The following ATP8A2 variants were observed in gnomAD, a reference collection of about 807,000 sequenced individuals.
The protein encoded by ATP8A2 is phospholipid-transporting ATPase IB.
ATP8A2 carries 100 observed loss-of-function variants against 165.6 expected under a neutral mutation model. That is an observed-to-expected ratio of 0.60 (90% CI 0.51 to 0.71). The LOEUF is 0.71. Among genes scored for constraint, ATP8A2 ranks in the 30% least tolerant of loss-of-function variants. The pLI, the probability that ATP8A2 is intolerant of heterozygous loss-of-function variation, is 0.00. For synonymous variants in ATP8A2, 543 were observed against 548.8 expected (o/e 0.99, Z 0.15); for missense variants, 1,227 against 1,479.5 (o/e 0.83, Z 2.80).
intron 1 of ATP8A2, among the ~76,000 whole-genome samples, chr13:25,418,505 C>T (rs2034201027): frequency 6.6e-6 from 1 of 151,978 alleles, no homozygotes. Flanking sequence ...TCATAACTCT[C>T]ATAGACATAG....
intron 24 of ATP8A2, among the ~76,000 whole-genome samples, chr13:25,696,990 G>C (rs181645326): frequency 6.6e-6 from 1 of 152,280 alleles, no homozygotes; most frequent in East Asian, 1.9e-4. Flanking sequence ...TCATGAGAAA[G>C]AAGTTTAAAA....
chr13:25,630,695 T>C lies in ATP8A2; in HGVS notation c.2211+40996T>C, dbSNP rs188803762. ...CCCTTATGTTGATACATGTAAAATA[T>C]GCTTCTTAATAATACATGTTGGTGA... On this transcript the variant is annotated intron_variant, in intron 24 of 36. Transcript: ENST00000381655. Among the ~76,000 whole-genome samples the C allele has an allele frequency of 3.9e-5, 6 of 152,328 alleles. No homozygotes were observed. The East Asian group carries it at 9.7e-4, about 25-fold the overall frequency.
chr13:25,914,276 G>A (rs1181081731), intron 33 of ATP8A2, among the ~76,000 whole-genome samples: 1 of 152,016 alleles, frequency 6.6e-6, no homozygotes, highest in Non-Finnish European at 1.5e-5. Flanking sequence ...AATCTGCAAT[G>A]TGTATGTGTG....
intron 16 of ATP8A2, among the ~76,000 whole-genome samples, chr13:25,564,744 T>C (rs1044041062): frequency 3.9e-5 from 6 of 152,212 alleles, no homozygotes; most frequent in Non-Finnish European, 7.3e-5. Context: ...AGGTGGTATT[T>C]GGTTACATGA....
At chr13:25,780,602 A>G (rs1301706509) in intron 27 of ATP8A2, among the ~76,000 whole-genome samples, 2 of 152,198 alleles carry the variant, frequency 1.3e-5, no homozygotes, top group Admixed American at 1.3e-4. Flanking sequence ...AACCTTTATT[A>G]TACTGCAGCA....
chr13:25,658,130 C>G (rs1399327939), intron 24 of ATP8A2, among the ~76,000 whole-genome samples: 1 of 152,176 alleles, frequency 6.6e-6, no homozygotes, highest in African/African-American at 2.4e-5. Flanking sequence ...TTCTTAATAA[C>G]TTAGAGGTGA....
At chr13:25,959,336 C>T (rs373955741) in intron 33 of ATP8A2, among the ~76,000 whole-genome samples, 63 of 152,336 alleles carry the variant, frequency 4.1e-4, no homozygotes, top group Middle Eastern at 3.4e-3. Context: ...TTTCCATATA[C>T]CGTTCCATGC....
intron 1 of ATP8A2, among the ~76,000 whole-genome samples, chr13:25,417,837 A>T (rs1378442153): frequency 6.6e-6 from 1 of 152,216 alleles, no homozygotes; most frequent in African/African-American, 2.4e-5. Flanking sequence ...GCAAATCTCA[A>T]GTCAGTATTA....
At chr13:25,483,338 G>T (rs528607320) in intron 2 of ATP8A2, among the ~76,000 whole-genome samples, 8 of 152,196 alleles carry the variant, frequency 5.3e-5, no homozygotes, top group Non-Finnish European at 1.0e-4. Context: ...ATGGGGCAAG[G>T]TGATTGACCT....
At chr13:25,386,884 C>A (rs1451014719) in intron 1 of ATP8A2, among the ~76,000 whole-genome samples, 1 of 149,502 alleles carries the variant, frequency 6.7e-6, no homozygotes, top group African/African-American at 2.4e-5. Context: ...GTAGTCCCAG[C>A]TACTTGGGAG....
intron 24 of ATP8A2, among the ~76,000 whole-genome samples, chr13:25,676,684 A>T (rs74629897): frequency 0.038 from 5,347 of 141,198 alleles, 154 homozygotes; most frequent in East Asian, 0.13. Context: ...GTGATTTTTT[A>T]AAAAAAATTT....
intron 24 of ATP8A2, among the ~76,000 whole-genome samples, chr13:25,609,315 G>A (rs974989175): frequency 6.6e-6 from 1 of 151,770 alleles, no homozygotes; most frequent in African/African-American, 2.4e-5. Context: ...GAACTAATTT[G>A]AAGCCTAGAT....
At chr13:25,692,529 T>C (rs1235435729) in intron 24 of ATP8A2, among the ~76,000 whole-genome samples, 1 of 152,230 alleles carries the variant, frequency 6.6e-6, no homozygotes, top group Non-Finnish European at 1.5e-5. Context: ...ATCCAGGTTC[T>C]AGAAGTTTTC....
intron 27 of ATP8A2, among the ~76,000 whole-genome samples, chr13:25,809,337 A>G (rs1950811296): frequency 6.6e-6 from 1 of 152,174 alleles, no homozygotes; most frequent in South Asian, 2.1e-4. Flanking sequence ...TCTGAAATAA[A>G]ACAAAGAATA....
chr13:25,547,249 G>C (rs1002254536), intron 10 of ATP8A2, among the ~76,000 whole-genome samples: 1 of 151,892 alleles, frequency 6.6e-6, no homozygotes, highest in Non-Finnish European at 1.5e-5. Context: ...CCACAGACTG[G>C]TACCAGTCTG....
At chr13:25,863,891 C>G (rs915265266) in intron 33 of ATP8A2, among the ~76,000 whole-genome samples, 1 of 152,114 alleles carries the variant, frequency 6.6e-6, no homozygotes, top group African/African-American at 2.4e-5. Context: ...AGTTTTTTTC[C>G]AAATCCAGAC....
intron 2 of ATP8A2, chr13:25,517,238 AAAAG>A (rs1303824684): frequency 2.0e-5 from 3 of 152,184 alleles, no homozygotes; most frequent in Non-Finnish European, 2.9e-5. Context: ...AGTTAAAAAA[AAAAG>A]AAAGAATAAA....
At chr13:25,531,558 A>G (rs1248242984) in intron 4 of ATP8A2, among the ~76,000 whole-genome samples, 3 of 151,170 alleles carry the variant, frequency 2.0e-5, no homozygotes, top group African/African-American at 7.3e-5. Flanking sequence ...TCACAAACAT[A>G]TATGCATCTT....
chr13:25,444,314 G>T lies in ATP8A2; in HGVS notation c.77-24663G>T, dbSNP rs576232377. Among the ~76,000 whole-genome samples the T allele has an allele frequency of 3.2e-4, 48 of 152,218 alleles. 1 individual carries two copies. The South Asian group carries it at 9.5e-3, about 30-fold the overall frequency. ...CATTTCCCTGCTGATGGATATGTAG[G>T]TTGCTTCCTTTTTTTTTCTGCTAAT... is the stretch of plus-strand genomic sequence containing the variant. On this transcript the variant is annotated intron_variant, in intron 1 of 36. Transcript: ENST00000381655.
Sources: gnomAD v4.1 joint callset for allele counts (sites outside exome capture counted in the v4.1 genomes callset) on GRCh38, gnomAD v4.1.1 for gene constraint, MANE v1.5 for transcripts, NCBI Gene and HGNC (gene_info 2026-07-23, HGNC 2026-07-21) for gene names.